The following XXYLT1 variants were observed in gnomAD, a reference collection of about 807,000 sequenced individuals.
XXYLT1 encodes the protein xyloside xylosyltransferase 1.
XXYLT1 carries 20 observed loss-of-function variants against 28.9 expected under a neutral mutation model. The ratio of observed to expected loss-of-function variants is 0.69; its 90% CI spans 0.49 to 1.00. The LOEUF (loss-of-function observed/expected upper bound fraction) is 1.00. Ranked by LOEUF, XXYLT1 falls within the 50% of genes least tolerant of loss-of-function variation. The probability of loss-of-function intolerance (pLI) is 0.00; values close to 1 mark genes in which losing one functional copy is unlikely to be tolerated. For missense variants in XXYLT1, 542 were observed against 560.1 expected (o/e 0.97, Z 0.33); for synonymous variants, 257 against 253.8 (o/e 1.01, Z -0.12).
At position 195,076,373 on chromosome 3, in the gene XXYLT1, G is replaced by T. The variant is rs74691388; in HGVS notation, c.786-6262C>A. ...CACAGACATTGGAACTCGACCGCGC[G>T]TGTTCCCGGAGTCTGAGTCGTTTTG... On this transcript the variant is annotated intron_variant, in intron 3 of 3. Coordinates refer to ENST00000310380, the MANE Select transcript of XXYLT1 (RefSeq NM_152531.5). This position sits in a 1 kb window ranked among gnomAD's most constrained non-coding sequence, Gnocchi z 5.3. Among the ~76,000 whole-genome samples the T allele has an allele frequency of 4.7e-5, 7 of 150,292 alleles. No homozygotes were observed. Among genetic ancestry groups the T allele is most frequent in the Non-Finnish European group, 1.0e-4 (7 of 67,706 alleles).
At chr3:195,226,662 C>T (rs1724064283) in intron 2 of XXYLT1, 47 bp downstream of exon 2, 1 of 1,590,522 alleles carries the variant, frequency 6.3e-7, no homozygotes, top group East Asian at 2.2e-5. Flanking sequence ...GAAATGGATG[C>T]AAAAGTCAGA....
rs1577060945 is a variant in XXYLT1 at position 195,129,973 on chromosome 3, G to C, written c.785+26476C>G. On this transcript the variant is annotated intron_variant, in intron 3 of 3. Transcript: ENST00000310380. This position sits in a 1 kb window ranked among gnomAD's most constrained non-coding sequence, Gnocchi z 4.4. ...TGCCTCCAACTCCTCACCAGCACCT[G>C]TTATTGTCCTGCCTTTCTTTTTTTA... 6.6e-6 allele frequency among the ~76,000 whole-genome samples: 1 copy of C among 152,326 alleles called. No homozygotes were observed. Among genetic ancestry groups the C allele is most frequent in the South Asian group, 2.1e-4 (1 of 4,818 alleles).
chr3:195,137,367 G>C (rs1344848758), intron 3 of XXYLT1, among the ~76,000 whole-genome samples: 1 of 152,152 alleles, frequency 6.6e-6, no homozygotes, highest in East Asian at 1.9e-4. Flanking sequence ...CTCCAATCTG[G>C]CCACAGTTTC....
intron 3 of XXYLT1, among the ~76,000 whole-genome samples, chr3:195,072,510 GA>G (rs1714882807): frequency 6.6e-6 from 1 of 152,212 alleles, no homozygotes; most frequent in Admixed American, 6.5e-5. Flanking sequence ...GAAGAGGACA[GA>G]ATATGCCTCC....
At chr3:195,073,468 TCTGA>T in intron 3 of XXYLT1, among the ~76,000 whole-genome samples, 1 of 152,306 alleles carries the variant, frequency 6.6e-6, no homozygotes, top group Middle Eastern at 3.4e-3. Context: ...CAGAAGTTTC[TCTGA>T]CTAACCCCTC....
chr3:195,227,546 G>A (rs1024493152), intron 1 of XXYLT1, among the ~76,000 whole-genome samples: 2 of 152,156 alleles, frequency 1.3e-5, no homozygotes, highest in Non-Finnish European at 2.9e-5. Context: ...ATCAGCTACG[G>A]CAGAGCTTTG....
chr3:195,081,077 C>T (rs1382418277), intron 3 of XXYLT1, among the ~76,000 whole-genome samples: 1 of 152,226 alleles, frequency 6.6e-6, no homozygotes, highest in Non-Finnish European at 1.5e-5. Context: ...GGCCCAGGCC[C>T]CGCCTGCAGG....
chr3:195,113,634 A>G (rs1300003424), intron 3 of XXYLT1, among the ~76,000 whole-genome samples: 1 of 152,046 alleles, frequency 6.6e-6, no homozygotes, highest in African/African-American at 2.4e-5. Context: ...CCTCTGTTTC[A>G]TGAGCTTTTT....
chr3:195,123,302 AC>A (rs1456892746), intron 3 of XXYLT1, among the ~76,000 whole-genome samples: 1 of 151,432 alleles, frequency 6.6e-6, no homozygotes, highest in African/African-American at 2.4e-5. Flanking sequence ...GGCTGCCTAA[AC>A]CCCGCCATCA....
rs1453523008 is a variant in XXYLT1, at chr3:195,078,768, C to T, written c.786-8657G>A. On this transcript the variant is annotated intron_variant, in intron 3 of 3. Transcript: ENST00000310380. This position sits in a 1 kb window ranked among gnomAD's most constrained non-coding sequence, Gnocchi z 5.0. ...CCCACACTTCCAGAGCTGTCCTCCCCACCTCCCATCGCACCATCCGGCTGG... is the reference window on the plus strand; with the variant it reads ...CCCACACTTCCAGAGCTGTCCTCCCTACCTCCCATCGCACCATCCGGCTGG... Among the ~76,000 whole-genome samples, 1 of 152,116 alleles carries T rather than the reference C, an allele frequency of 6.6e-6. No homozygotes were observed.
At chr3:195,151,717 T>G (rs1720273128) in intron 3 of XXYLT1, among the ~76,000 whole-genome samples, 1 of 152,260 alleles carries the variant, frequency 6.6e-6, no homozygotes, top group South Asian at 2.1e-4. Flanking sequence ...TGGGACATAT[T>G]TAACATACAA....
Position 195,225,481 on chromosome 3 carries a change from G to A in XXYLT1, c.652+1228C>T, listed in dbSNP as rs139920070. 1.2e-3 allele frequency among the ~76,000 whole-genome samples: 180 copies of A among 152,304 alleles called. 1 individual carries two copies. In the South Asian group the frequency reaches 0.021, roughly 18 times the overall value. ...TCACTTCTGGTCTGCTGGGCTGGAG[G>A]AGCAGGCCTCCACCATATGGCCCAC... On this transcript the variant is annotated intron_variant, in intron 2 of 3. Coordinates refer to ENST00000310380, the MANE Select transcript of XXYLT1 (RefSeq NM_152531.5).
At chr3:195,116,393 G>C (rs1435214586) in intron 3 of XXYLT1, among the ~76,000 whole-genome samples, 1 of 152,188 alleles carries the variant, frequency 6.6e-6, no homozygotes, top group Non-Finnish European at 1.5e-5. Flanking sequence ...GAGTCAGTAG[G>C]TCTGGGGTGG....
At chr3:195,156,628 G>T (rs1257635637) in intron 2 of XXYLT1, 47 bp from the exon 3 acceptor site, 2 of 1,602,482 alleles carry the variant, frequency 1.2e-6, no homozygotes, top group African/African-American at 2.7e-5. Context: ...CACCTCCTGG[G>T]AGGCTCGGCC....
intron 1 of XXYLT1, among the ~76,000 whole-genome samples, chr3:195,261,017 G>T (rs1490207558): frequency 6.6e-6 from 1 of 152,222 alleles, no homozygotes; most frequent in African/African-American, 2.4e-5. Flanking sequence ...GCGGGGTCCT[G>T]AAGTGCCTCC....
At chr3:195,107,474 CAA>C (rs372671595) in intron 3 of XXYLT1, among the ~76,000 whole-genome samples, 36 of 45,706 alleles carry the variant, frequency 7.9e-4, no homozygotes, top group African/African-American at 3.0e-3. Context: ...AACTCCGTCT[CAA>C]AAAAAAAAAA....
At chr3:195,110,253 AAGTG>A (rs1717486695) in intron 3 of XXYLT1, among the ~76,000 whole-genome samples, 1 of 1,640 alleles carries the variant, frequency 6.1e-4, no homozygotes, top group Non-Finnish European at 1.8e-3. Flanking sequence ...TGTGTGGGTG[AAGTG>A]TGTGTGGGTG....
chr3:195,270,980 G>A lies in XXYLT1; in HGVS notation c.79C>T (p.Leu27=). 6.7e-7 allele frequency: 1 copy of A among 1,484,986 alleles called. No individual in the cohort carries two copies. Among genetic ancestry groups the A allele is most frequent in the Non-Finnish European group, 8.9e-7 (1 of 1,121,234 alleles). The allele number at this position is 1,484,986 out of a possible 1,614,324, so 92.0% of individuals were successfully genotyped here. ...ACGGCCAGCGCCGCGGCCAGCAGCA[G>A]GGCGCAGTAGTGGGAGCGCACAGCG... The part of the protein sequence containing the change: ...LGAVRSHYCA[L]LLAAALAVCA... The change falls in exon 1 of 4, where the codon CTG becomes TTG. Residue 27 remains leucine (L), a synonymous_variant. Transcript: ENST00000310380.
chr3:195,236,246 G>A (rs938668858), intron 1 of XXYLT1, among the ~76,000 whole-genome samples: 7 of 152,106 alleles, frequency 4.6e-5, no homozygotes, highest in African/African-American at 1.2e-4. Flanking sequence ...GCCTGCAATC[G>A]GAAGCCCTAG....
Sources: allele counts gnomAD v4.1 joint callset (sites outside exome capture counted in the v4.1 genomes callset), GRCh38; gene constraint gnomAD v4.1.1; non-coding constraint Gnocchi (gnomAD v3.1); transcripts MANE v1.5; gene names NCBI Gene and HGNC (gene_info 2026-07-23, HGNC 2026-07-21).